Variants in CCSER1 observed in about 807,000 individuals in gnomAD.
The protein encoded by CCSER1 is serine-rich coiled-coil domain-containing protein 1.
A neutral mutation model predicts 82.0 loss-of-function variants in CCSER1; 41 were observed. The ratio of observed to expected loss-of-function variants is 0.50; its 90% CI spans 0.39 to 0.65. CCSER1 has a LOEUF of 0.65. Ranked by LOEUF, CCSER1 falls within the 30% of genes least tolerant of loss-of-function variation. The pLI, the probability that CCSER1 is intolerant of heterozygous loss-of-function variation, is 0.00. For missense variants in CCSER1, 1,119 were observed against 1,064.2 expected, an observed-to-expected ratio of 1.05 and a Z score of -0.72; for synonymous variants, 414 against 383.9, an observed-to-expected ratio of 1.08 and a Z score of -0.92.
chr4:91,063,967 A>G (rs1027090080), intron 9 of CCSER1, among the ~76,000 whole-genome samples: 1 of 152,180 alleles, frequency 6.6e-6, no homozygotes, highest in Non-Finnish European at 1.5e-5. Context: ...TTTCTACTAC[A>G]TTACCTCACA....
intron 10 of CCSER1, among the ~76,000 whole-genome samples, chr4:91,204,807 G>A (rs1450781373): frequency 2.0e-5 from 3 of 151,704 alleles, no homozygotes; most frequent in African/African-American, 7.2e-5. Context: ...AAAAAGGTTA[G>A]CATGGGTTGT....
intron 8 of CCSER1, among the ~76,000 whole-genome samples, chr4:90,828,992 G>T (rs2149814117): frequency 6.6e-6 from 1 of 152,154 alleles, no homozygotes; most frequent in Non-Finnish European, 1.5e-5. Context: ...AGCATGTGGG[G>T]ATGTCACCTA....
chr4:90,241,472 G>A (rs926090932), intron 1 of CCSER1, among the ~76,000 whole-genome samples: 1 of 152,198 alleles, frequency 6.6e-6, no homozygotes, highest in Middle Eastern at 3.4e-3. Flanking sequence ...CAATATTTAT[G>A]TCTATTGTTG....
At chr4:90,898,744 A>T (rs958604511) in intron 8 of CCSER1, among the ~76,000 whole-genome samples, 3 of 151,922 alleles carry the variant, frequency 2.0e-5, no homozygotes, top group African/African-American at 4.8e-5. Context: ...TTGGTTGAAG[A>T]TTAGTTCATT....
intron 7 of CCSER1, among the ~76,000 whole-genome samples, chr4:90,805,066 A>C (rs994661605): frequency 5.0e-5 from 7 of 139,382 alleles, no homozygotes; most frequent in South Asian, 2.2e-4. Flanking sequence ...GACATAATTT[A>C]CACTAATCTG....
chr4:91,242,577 T>C (rs1053329747), intron 10 of CCSER1, among the ~76,000 whole-genome samples: 4 of 152,158 alleles, frequency 2.6e-5, no homozygotes, highest in African/African-American at 9.7e-5. Flanking sequence ...ATACATGACC[T>C]TAAATTTGTT....
At chr4:91,102,167 A>G (rs529612457) in intron 10 of CCSER1, among the ~76,000 whole-genome samples, 220 of 152,324 alleles carry the variant, frequency 1.4e-3, no homozygotes, top group African/African-American at 4.8e-3. Flanking sequence ...AATGAAAAAA[A>G]TCTGTTGATT....
intron 10 of CCSER1, among the ~76,000 whole-genome samples, chr4:91,137,692 A>G (rs542518574): frequency 6.6e-6 from 1 of 151,320 alleles, no homozygotes; most frequent in Non-Finnish European, 1.5e-5. Flanking sequence ...TGACTTTTTA[A>G]TGATTGCCAT....
chr4:91,118,207 A>G (rs1318719298), intron 10 of CCSER1, among the ~76,000 whole-genome samples: 1 of 152,136 alleles, frequency 6.6e-6, no homozygotes, highest in Non-Finnish European at 1.5e-5. Context: ...AGAAAATATT[A>G]AATAATAATC....
intron 10 of CCSER1, among the ~76,000 whole-genome samples, chr4:91,407,201 A>C (rs1752751857): frequency 6.6e-6 from 1 of 152,212 alleles, no homozygotes; most frequent in African/African-American, 2.4e-5. Flanking sequence ...GAATAAAATA[A>C]GTATACAAAT....
intron 4 of CCSER1, among the ~76,000 whole-genome samples, chr4:90,425,202 C>T (rs1324641460): frequency 2.0e-5 from 3 of 152,090 alleles, no homozygotes; most frequent in Non-Finnish European, 4.4e-5. Flanking sequence ...AACTTTCTAT[C>T]ATATAAACAC....
intron 5 of CCSER1, among the ~76,000 whole-genome samples, chr4:90,620,174 T>C (rs558769981): frequency 4.3e-4 from 66 of 152,058 alleles, no homozygotes; most frequent in African/African-American, 1.5e-3. Flanking sequence ...TTTAATCTAA[T>C]TCCCTAAGAC....
chr4:91,268,752 CA>C (rs1741806078), intron 10 of CCSER1, among the ~76,000 whole-genome samples: 1 of 152,090 alleles, frequency 6.6e-6, no homozygotes, highest in Non-Finnish European at 1.5e-5. Context: ...GGCGGGGTCA[CA>C]AGGTGCTCAG....
At chr4:90,577,874 A>G (rs928685381) in intron 5 of CCSER1, among the ~76,000 whole-genome samples, 40 of 152,228 alleles carry the variant, frequency 2.6e-4, no homozygotes, top group Admixed American at 2.1e-3. Context: ...ATGGCATATA[A>G]TGATCTACCA....
At chr4:90,301,877 A>G (rs973184252) in intron 1 of CCSER1, among the ~76,000 whole-genome samples, 1 of 152,166 alleles carries the variant, frequency 6.6e-6, no homozygotes, top group Non-Finnish European at 1.5e-5. Context: ...ATGTTGTTAC[A>G]TTTATCTTTC....
At chr4:90,436,939 T>C (rs994245747) in intron 4 of CCSER1, among the ~76,000 whole-genome samples, 1 of 151,900 alleles carries the variant, frequency 6.6e-6, no homozygotes, top group Non-Finnish European at 1.5e-5. Context: ...CCCGAGTAGC[T>C]GGGACTACAG....
chr4:91,456,107 G>A (rs1756154062), intron 10 of CCSER1, among the ~76,000 whole-genome samples: 1 of 152,172 alleles, frequency 6.6e-6, no homozygotes, highest in African/African-American at 2.4e-5. Context: ...AGTTCTGGAG[G>A]TTAGAAGTCT....
chr4:91,593,203 C>T lies in CCSER1; in HGVS notation c.2218-5369C>T, dbSNP rs570190177. ...ATCAGGTTTCATTTTACAATCAATG[C>T]TTTTAACCAGGTTGCAGTTGTAATG... is the stretch of plus-strand genomic sequence containing the variant. On this transcript the variant is annotated intron_variant, in intron 10 of 10. Coordinates refer to ENST00000509176, the MANE Select transcript of CCSER1 (RefSeq NM_001145065.2). Among the ~76,000 whole-genome samples, 24 of 152,160 alleles carry T rather than the reference C, an allele frequency of 1.6e-4. No individual in the cohort carries two copies. The South Asian group carries it at 3.7e-3, about 24-fold the overall frequency.
intron 7 of CCSER1, among the ~76,000 whole-genome samples, chr4:90,765,815 A>G (rs1416446341): frequency 1.3e-5 from 2 of 152,174 alleles, no homozygotes; most frequent in Non-Finnish European, 2.9e-5. Context: ...CAGACATCTA[A>G]TTTAGACCAA....
Sources: gnomAD v4.1 joint callset for allele counts (sites outside exome capture counted in the v4.1 genomes callset) on GRCh38, gnomAD v4.1.1 for gene constraint, MANE v1.5 for transcripts, NCBI Gene and HGNC (gene_info 2026-07-23, HGNC 2026-07-21) for gene names.